TMEM245: variants seen among roughly 807,000 people sequenced by gnomAD.
TMEM245 encodes transmembrane protein 245.
TMEM245 carries 69 observed loss-of-function variants against 101.2 expected under a neutral mutation model. The observed-to-expected ratio is 0.68, with a 90% CI of 0.56 to 0.83. The LOEUF (loss-of-function observed/expected upper bound fraction) is 0.83. TMEM245 is among the 40% of genes least tolerant of loss of function. TMEM245 has a pLI of 0.00. For synonymous variants in TMEM245, 537 were observed against 449.8 expected (o/e 1.19, Z -2.45); for missense variants, 1,075 against 1,092.8 (o/e 0.98, Z 0.23).
chr9:109,087,126 A>T, intron 6 of TMEM245, 47 bp downstream of exon 6: 1 of 1,510,500 alleles, frequency 6.6e-7, no homozygotes, highest in Non-Finnish European at 8.8e-7. Flanking sequence ...CAAACCACGA[A>T]ATATATTAAC....
chr9:109,047,655 A>G (rs1284479054), intron 14 of TMEM245, among the ~76,000 whole-genome samples: 1 of 152,278 alleles, frequency 6.6e-6, no homozygotes, highest in Non-Finnish European at 1.5e-5. Context: ...GCTGTAAGAA[A>G]GCAGAACAAG....
intron 14 of TMEM245, among the ~76,000 whole-genome samples, chr9:109,048,937 C>A (rs897253217): frequency 1.3e-5 from 2 of 152,216 alleles, no homozygotes; most frequent in Non-Finnish European, 2.9e-5. Flanking sequence ...CAGTATCCAA[C>A]CTACTCCTTG....
chr9:109,084,804 A>G (rs1764163326), intron 7 of TMEM245, among the ~76,000 whole-genome samples: 1 of 152,248 alleles, frequency 6.6e-6, no homozygotes, highest in African/African-American at 2.4e-5. Flanking sequence ...CTAGTTTTAT[A>G]GGGAATGGAG....
chr9:109,102,618 T>TG (rs1830307814), intron 3 of TMEM245, among the ~76,000 whole-genome samples: 1 of 152,348 alleles, frequency 6.6e-6, no homozygotes, highest in African/African-American at 2.4e-5. Flanking sequence ...TCTAGTTTTT[T>TG]TGTGTTTTTA....
At chr9:109,112,434 G>C (rs546542407) in intron 1 of TMEM245, among the ~76,000 whole-genome samples, 26 of 152,034 alleles carry the variant, frequency 1.7e-4, no homozygotes, top group Non-Finnish European at 2.8e-4. Context: ...CCAGCTACTT[G>C]GGAGGCTGAG....
chr9:109,118,031 G>A (rs1000087730), intron 1 of TMEM245, among the ~76,000 whole-genome samples: 3 of 152,232 alleles, frequency 2.0e-5, no homozygotes, highest in African/African-American at 7.2e-5. Flanking sequence ...CATTCTCTGG[G>A]CCTGTGGCCC....
chr9:109,046,340 G>T (rs751613350), intron 14 of TMEM245: 2 of 531,148 alleles, frequency 3.8e-6, no homozygotes, highest in Non-Finnish European at 7.8e-6. Flanking sequence ...AGAAGGGTGT[G>T]ATGTATACAT....
intron 3 of TMEM245, among the ~76,000 whole-genome samples, chr9:109,106,124 G>C (rs1196230076): frequency 6.6e-6 from 1 of 151,944 alleles, no homozygotes; most frequent in East Asian, 1.9e-4. Context: ...TACTTGGGAG[G>C]ATAAGGTTGG....
intron 14 of TMEM245, among the ~76,000 whole-genome samples, chr9:109,044,197 C>T (rs1828403152): frequency 1.3e-5 from 2 of 152,156 alleles, no homozygotes; most frequent in African/African-American, 4.8e-5. Flanking sequence ...TCTTTTCTGA[C>T]AAACCAGATT....
intron 5 of TMEM245, among the ~76,000 whole-genome samples, chr9:109,088,712 G>C (rs1829912783): frequency 6.6e-6 from 1 of 151,132 alleles, no homozygotes. Context: ...AGCTACTCAG[G>C]AGGCTGAGGC....
At chr9:109,097,882 C>T (rs1830182001) in intron 3 of TMEM245, among the ~76,000 whole-genome samples, 1 of 152,230 alleles carries the variant, frequency 6.6e-6, no homozygotes, top group African/African-American at 2.4e-5. Flanking sequence ...GATGGCACCA[C>T]TGCACTAGCC....
At chr9:109,093,439 C>T in intron 4 of TMEM245, 36 bp downstream of exon 4, 1 of 1,556,382 alleles carries the variant, frequency 6.4e-7, no homozygotes, top group Non-Finnish European at 8.8e-7. Context: ...TTTCATTTTC[C>T]AGAATAACCT....
chr9:109,063,562 A>G (rs759063299), intron 10 of TMEM245, among the ~76,000 whole-genome samples: 40 of 152,202 alleles, frequency 2.6e-4, no homozygotes, highest in Non-Finnish European at 5.3e-4. Flanking sequence ...CGATTCTTAC[A>G]TAATCCTAAT....
At chr9:109,108,411 G>A (rs776864393) in intron 2 of TMEM245, 42 bp downstream of exon 2, 2 of 1,199,494 alleles carry the variant, frequency 1.7e-6, no homozygotes, top group Non-Finnish European at 2.3e-6. Context: ...GCTGACCTTA[G>A]GCTAGACTTA....
chr9:109,036,166 C>A, intron 16 of TMEM245, 40 bp downstream of exon 16: 4 of 1,501,060 alleles, frequency 2.7e-6, no homozygotes, highest in Admixed American at 2.4e-5. Context: ...ACGGAAATGC[C>A]TGGATGATTC....
Position 109,087,352 on chromosome 9 carries a change from G to A in TMEM245, c.1151-10C>T, listed in dbSNP as rs1340559058. On this transcript the variant is annotated splice_polypyrimidine_tract_variant and intron_variant, in intron 5 of 17. Coordinates refer to ENST00000374586, the MANE Select transcript of TMEM245 (RefSeq NM_032012.4). ...TTTTTGAGTATCCAGACTAAAAAAA[G>A]ACAAAAAATACATATATAAACAAAA... 3 of 1,579,204 alleles carry A rather than the reference G, an allele frequency of 1.9e-6. No homozygotes were observed. In the Admixed American group the frequency reaches 6.0e-5, roughly 31 times the overall value.
chr9:109,097,730 C>A (rs1041490849), intron 3 of TMEM245, among the ~76,000 whole-genome samples: 7 of 152,080 alleles, frequency 4.6e-5, no homozygotes, highest in Non-Finnish European at 5.9e-5. Flanking sequence ...ACCTGCCTGG[C>A]CAACATGGTG....
rs560792132 is a variant in TMEM245 at position 109,016,304 on chromosome 9, ACAC to A, written c.*4153_*4155del. ...GCAATCCCCCACCCCCAACACACAC[ACAC>A]TTTTTTTCTTACATCTATTAACATC... On this transcript the variant is annotated 3_prime_UTR_variant, in exon 18 of 18. Coordinates refer to ENST00000374586, the MANE Select transcript of TMEM245 (RefSeq NM_032012.4). 4.6e-5 allele frequency: 7 copies of A among 152,240 alleles called. No individual in the cohort carries two copies. The highest frequency in any genetic ancestry group is 7.4e-5 in the Non-Finnish European group (5 of 68,022). The allele number at this position is 152,240 out of a possible 1,614,324, so 9.4% of individuals were successfully genotyped here. A position where few individuals can be genotyped will look rare whatever the true frequency, so the allele number is the denominator to read the frequency against.
rs1035428006 is a variant in TMEM245, at chr9:109,073,280, A to G, written c.1532+76T>C. The G allele has an allele frequency of 8.3e-6, 9 of 1,081,012 alleles. No homozygotes were observed. In the African/African-American group the frequency reaches 9.3e-5, roughly 11 times the overall value. The allele number at this position is 1,081,012 out of a possible 1,614,324, so 67.0% of individuals were successfully genotyped here. A position where few individuals can be genotyped will look rare whatever the true frequency, so the allele number is the denominator to read the frequency against. On this transcript the variant is annotated intron_variant, in intron 9 of 17. Transcript: ENST00000374586. ...TTTATCTTCCAATGCAGCTGCATCA[A>G]TGAAGGTCATTTCGTGCAAACAGAT... is the stretch of plus-strand genomic sequence containing the variant.
Sources: gnomAD v4.1 joint callset for allele counts (sites outside exome capture counted in the v4.1 genomes callset) on GRCh38, gnomAD v4.1.1 for gene constraint, MANE v1.5 for transcripts, NCBI Gene and HGNC (gene_info 2026-07-23, HGNC 2026-07-21) for gene names.